The following PLAAT5 variants were observed in gnomAD, a reference collection of about 807,000 sequenced individuals.
PLAAT5 encodes the protein Ca(2+)-independent N-acyltransferase.
PLAAT5 carries 27 observed loss-of-function variants against 27.8 expected under a neutral mutation model. That is an observed-to-expected ratio of 0.97 (90% CI 0.72 to 1.34). PLAAT5 has a LOEUF of 1.34. Ranked by LOEUF, PLAAT5 falls within the 40% of genes most tolerant of loss-of-function variation. PLAAT5 has a pLI of 0.00. For missense variants in PLAAT5, 368 were observed against 343.8 expected, an observed-to-expected ratio of 1.07 and a Z score of -0.56; for synonymous variants, 125 against 136.1, an observed-to-expected ratio of 0.92 and a Z score of 0.57.
In PLAAT5 at chr11:63,488,855, T is replaced by C; in HGVS notation, c.345+16A>G. 1.3e-6 allele frequency: 2 copies of C among 1,568,702 alleles called. No individual in the cohort carries two copies. Among genetic ancestry groups the C allele is most frequent in the Non-Finnish European group, 1.8e-6 (2 of 1,139,576 alleles). On this transcript the variant is annotated intron_variant, in intron 3 of 5. Transcript: ENST00000540857. ...AGGTTAAAGATAGTCACTTTGAGAATTCTTGTTACACCTACCTCAGCTGCT... is the reference window on the plus strand; with the variant it reads ...AGGTTAAAGATAGTCACTTTGAGAACTCTTGTTACACCTACCTCAGCTGCT...
At chr11:63,488,813 G>A in intron 3 of PLAAT5, 58 bp downstream of exon 3, 7 of 1,151,672 alleles carry the variant, frequency 6.1e-6, no homozygotes, top group Non-Finnish European at 5.2e-6. Context: ...AATACAATAT[G>A]TAGAGAAGTT....
chr11:63,480,112 T>C (rs1458199366), intron 3 of PLAAT5, among the ~76,000 whole-genome samples: 2 of 152,180 alleles, frequency 1.3e-5, no homozygotes, highest in African/African-American at 4.8e-5. Flanking sequence ...TGTAGGAACA[T>C]GCGGTCCGTT....
At chr11:63,490,539 G>C (rs997348165) in intron 1 of PLAAT5, 1 of 754,906 alleles carries the variant, frequency 1.3e-6, no homozygotes, top group African/African-American at 1.7e-5. Flanking sequence ...GAGAGACTTT[G>C]GGATTCCTGG....
At position 63,462,023 on chromosome 11, in the gene PLAAT5, C is replaced by G. The variant is rs1161735608; in HGVS notation, c.*1480G>C. ...TCTGTGCAGAAGTTACTAAACACTC[C>G]TTGGTGTGGAGGAGTTTTTTGTTAA... On this transcript the variant is annotated 3_prime_UTR_variant, in exon 6 of 6. Transcript: ENST00000540857. 1 of 152,096 alleles carries G rather than the reference C, an allele frequency of 6.6e-6. No homozygotes were observed. The highest frequency in any genetic ancestry group is 1.5e-5 in the Non-Finnish European group (1 of 68,030). The allele number at this position is 152,096 out of a possible 1,614,324, so 9.4% of individuals were successfully genotyped here. A position where few individuals can be genotyped will look rare whatever the true frequency, so the allele number is the denominator to read the frequency against.
rs534546825 is a variant in PLAAT5 at position 63,480,263 on chromosome 11, C to G, written c.345+8608G>C. 1.8e-4 allele frequency among the ~76,000 whole-genome samples: 27 copies of G among 152,168 alleles called. 1 individual carries two copies. Among genetic ancestry groups the G allele is most frequent in the South Asian group, 8.3e-4 (4 of 4,832 alleles). On this transcript the variant is annotated intron_variant, in intron 3 of 5. Coordinates refer to ENST00000540857, the MANE Select transcript of PLAAT5 (RefSeq NM_001146729.2). Reference sequence around the variant, plus strand: ...TTGTTGTTGTTTCCTGGAAAACTGACAGCAAGAAGATAACCCAATTCATTG... The same window carrying G: ...TTGTTGTTGTTTCCTGGAAAACTGAGAGCAAGAAGATAACCCAATTCATTG...
chr11:63,477,845 G>A lies in PLAAT5; in HGVS notation c.346-9380C>T, dbSNP rs571478401. On this transcript the variant is annotated intron_variant, in intron 3 of 5. Transcript: ENST00000540857. ...GAAGTTGAGCCACACCTTGTGCCGC[G>A]AAGGCTTTACCTTTTGTCAGTGGAT... 3.3e-5 allele frequency among the ~76,000 whole-genome samples: 5 copies of A among 152,146 alleles called. No homozygotes were observed. In the South Asian group the frequency reaches 8.3e-4, roughly 25 times the overall value.
At chr11:63,482,356 G>A (rs2016307392) in intron 3 of PLAAT5, among the ~76,000 whole-genome samples, 1 of 152,136 alleles carries the variant, frequency 6.6e-6, no homozygotes, top group Non-Finnish European at 1.5e-5. Context: ...CTTATGAGCT[G>A]TGAGGCAAAA....
In PLAAT5 at chr11:63,463,531, C is replaced by T. The variant is rs201710256; in HGVS notation, c.782G>A (p.Ser261Asn). ...GGCAGTTATTGGTTTGGGCTTTATG[C>T]TATCCACTACAGCTGAAATAACTGC... ...AGAVISAVVD[S>N]IKPKPITA The change falls in exon 6 of 6, where the codon AGC becomes AAC. Residue 261 changes from serine (S) to asparagine (N), a missense_variant. Ser to Asn is a conservative substitution (Grantham distance 46). Coordinates refer to ENST00000540857, the MANE Select transcript of PLAAT5 (RefSeq NM_001146729.2). 1.1e-4 allele frequency: 184 copies of T among 1,613,838 alleles called. 2 individuals are homozygous for T. The South Asian group carries it at 1.9e-3, about 17-fold the overall frequency.
In PLAAT5 at chr11:63,461,860, C is replaced by T. The variant is rs1169856711; in HGVS notation, c.*1643G>A. On this transcript the variant is annotated 3_prime_UTR_variant, in exon 6 of 6. Coordinates refer to ENST00000540857, the MANE Select transcript of PLAAT5 (RefSeq NM_001146729.2). ...CAGGGTTTGGCACTTGGGAGACACT[C>T]AAAAATATTTTTTGGACAAACAAGT... 1 of 152,112 alleles carries T rather than the reference C, an allele frequency of 6.6e-6. No individual in the cohort carries two copies. The highest frequency in any genetic ancestry group is 1.5e-5 in the Non-Finnish European group (1 of 68,034). The allele number at this position is 152,112 out of a possible 1,614,324, so 9.4% of individuals were successfully genotyped here. A position where few individuals can be genotyped will look rare whatever the true frequency, so the allele number is the denominator to read the frequency against.
chr11:63,481,223 T>C (rs925813481), intron 3 of PLAAT5, among the ~76,000 whole-genome samples: 1 of 152,184 alleles, frequency 6.6e-6, no homozygotes, highest in Admixed American at 6.5e-5. Context: ...GTGGATCACC[T>C]GAGCTCAGGC....
chr11:63,464,221 A>T (rs1374547260), intron 5 of PLAAT5, among the ~76,000 whole-genome samples: 1 of 152,212 alleles, frequency 6.6e-6, no homozygotes, highest in Non-Finnish European at 1.5e-5. Context: ...GGAGGCTGCC[A>T]ATGGTCACTG....
In PLAAT5 at chr11:63,466,128, G is replaced by A. The variant is rs775959240; in HGVS notation, c.699C>T (p.Gly233=). ...CEHFVNGLRY[G]VPRSQQVEHA... ...GTCACACCTGCTGGCTCCGGGGTAC[G>A]CCATATCTGAGGCCATTGACAAAGT... Residue 233 remains glycine, a synonymous_variant, in exon 5 of 6, where the codon GGC becomes GGT. Coordinates refer to ENST00000540857, the MANE Select transcript of PLAAT5 (RefSeq NM_001146729.2). The A allele has an allele frequency of 1.6e-5, 26 of 1,614,010 alleles. No homozygotes were observed. Among genetic ancestry groups the A allele is most frequent in the East Asian group, 4.5e-5 (2 of 44,878 alleles).
At chr11:63,471,792 T>G (rs750721977) in intron 3 of PLAAT5, among the ~76,000 whole-genome samples, 1 of 152,202 alleles carries the variant, frequency 6.6e-6, no homozygotes, top group Admixed American at 6.5e-5. Context: ...GAACTTAATT[T>G]TTTAAACAAA....
intron 3 of PLAAT5, among the ~76,000 whole-genome samples, chr11:63,483,206 G>C (rs774708435): frequency 6.6e-6 from 1 of 151,940 alleles, no homozygotes; most frequent in East Asian, 1.9e-4. Flanking sequence ...TCATCAAGAC[G>C]GAATGTCAAC....
At chr11:63,482,992 C>T (rs563169708) in intron 3 of PLAAT5, among the ~76,000 whole-genome samples, 11 of 152,194 alleles carry the variant, frequency 7.2e-5, no homozygotes, top group East Asian at 1.9e-4. Context: ...AAAACAACAA[C>T]GGTTTAAAAA....
At chr11:63,474,441 T>A (rs2016105975) in intron 3 of PLAAT5, among the ~76,000 whole-genome samples, 1 of 152,192 alleles carries the variant, frequency 6.6e-6, no homozygotes, top group Non-Finnish European at 1.5e-5. Flanking sequence ...CCAATTCATC[T>A]CAGTTGTCTA....
chr11:63,463,738 A>C, intron 5 of PLAAT5, 143 bp from the exon 6 acceptor site: 1 of 648,184 alleles, frequency 1.5e-6, no homozygotes, highest in Non-Finnish European at 2.7e-6. Flanking sequence ...GCTATCTTAT[A>C]TTTTCAAAAC....
chr11:63,491,006 T>TC lies in PLAAT5; in HGVS notation c.28dup (p.Glu10GlyfsTer8), dbSNP rs945513695. 2.6e-6 allele frequency: 4 copies of TC among 1,518,086 alleles called. No homozygotes were observed. Among genetic ancestry groups the TC allele is most frequent in the African/African-American group, 1.4e-5 (1 of 70,834 alleles). The allele number at this position is 1,518,086 out of a possible 1,614,324, so 94.0% of individuals were successfully genotyped here. ...AATCCTAGGGAGGCGGAGCGCGTAC[T>TC]CCCCCTCGGCGCCCGGGCTCAGGCC... On this transcript the variant is annotated frameshift_variant, in exon 1 of 6. Transcript: ENST00000540857. LOFTEE classifies it high-confidence loss of function.
Position 63,491,089 on chromosome 11 carries a change from CGA to C in PLAAT5, c.-57_-56del. 1 of 1,303,396 alleles carries C rather than the reference CGA, an allele frequency of 7.7e-7. No homozygotes were observed. The highest frequency in any genetic ancestry group is 9.8e-7 in the Non-Finnish European group (1 of 1,015,586). 80.7% of individuals were successfully genotyped at this position (1,303,396 alleles called of 1,614,324 possible). ...GCCTTGCAGGGGACTACGCCCCTGG[CGA>C]GTTCCCAGTCGGCGCGGCCCCTGGT... On this transcript the variant is annotated 5_prime_UTR_variant, in exon 1 of 6. Coordinates refer to ENST00000540857, the MANE Select transcript of PLAAT5 (RefSeq NM_001146729.2).
Sources: gnomAD v4.1 joint callset for allele counts (sites outside exome capture counted in the v4.1 genomes callset) on GRCh38, gnomAD v4.1.1 for gene constraint, MANE v1.5 for transcripts, NCBI Gene and HGNC (gene_info 2026-07-23, HGNC 2026-07-21) for gene names.